HVCN1: variants seen among roughly 807,000 people sequenced by gnomAD.
The protein encoded by HVCN1 is hydrogen voltage gated channel 1.
In HVCN1, 14 loss-of-function variants were observed where a neutral mutation model predicts 29.2. The ratio of observed to expected loss-of-function variants is 0.48; its 90% CI spans 0.32 to 0.75. HVCN1 has a LOEUF of 0.75. Ranked by LOEUF, HVCN1 falls within the 30% of genes least tolerant of loss-of-function variation. HVCN1 has a pLI of 0.04. For missense variants in HVCN1, 263 were observed against 341.8 expected (o/e 0.77, Z 1.82); for synonymous variants, 131 against 133.2 (o/e 0.98, Z 0.11).
Position 110,665,987 on chromosome 12 carries a change from C to A in HVCN1, c.22-4539G>T, listed in dbSNP as rs140350382. On this transcript the variant is annotated intron_variant, in intron 3 of 7. Transcript: ENST00000242607. ...CACCATTGCACTCCAGCCTGGGCAACAAGAGTGAATCTCCATCTCACAAAA... is the reference window on the plus strand; with the variant it reads ...CACCATTGCACTCCAGCCTGGGCAAAAAGAGTGAATCTCCATCTCACAAAA... 7.7e-3 allele frequency among the ~76,000 whole-genome samples: 1,034 copies of A among 134,296 alleles called. 18 individuals are homozygous for A. The highest frequency in any genetic ancestry group is 0.028 in the African/African-American group (991 of 35,898). The allele number at this position is 134,296 out of a possible 152,430, so 88.1% of individuals were successfully genotyped here.
chr12:110,690,953 C>T (rs1220183946), upstream of HVCN1, among the ~76,000 whole-genome samples: 1 of 151,776 alleles, frequency 6.6e-6, no homozygotes, highest in Non-Finnish European at 1.5e-5. Context: ...CAGGGTTTCT[C>T]CATGCTGGTC....
intron 4 of HVCN1, among the ~76,000 whole-genome samples, chr12:110,656,861 G>T (rs1438170782): frequency 6.6e-6 from 1 of 152,144 alleles, no homozygotes; most frequent in African/African-American, 2.4e-5. Flanking sequence ...CTTAATAAAG[G>T]TGCAAGCCTC....
intron 3 of HVCN1, among the ~76,000 whole-genome samples, chr12:110,678,100 A>T (rs2068807329): frequency 6.6e-6 from 1 of 152,226 alleles, no homozygotes; most frequent in South Asian, 2.1e-4. Flanking sequence ...CGGGGACTGC[A>T]ATGTCTCTGT....
chr12:110,697,017 G>T (rs935745753), intron 2 of HVCN1, among the ~76,000 whole-genome samples: 2 of 151,988 alleles, frequency 1.3e-5, no homozygotes, highest in African/African-American at 4.8e-5. Flanking sequence ...AAGACAGGGG[G>T]GAACTGTGGG....
intron 3 of HVCN1, among the ~76,000 whole-genome samples, chr12:110,671,662 C>T (rs1269369609): frequency 6.6e-6 from 1 of 152,168 alleles, no homozygotes; most frequent in Non-Finnish European, 1.5e-5. Context: ...TTCCCTTTAT[C>T]TTTCCGGGCC....
At chr12:110,672,280 T>C (rs879611868) in intron 3 of HVCN1, among the ~76,000 whole-genome samples, 1 of 152,190 alleles carries the variant, frequency 6.6e-6, no homozygotes, top group Non-Finnish European at 1.5e-5. Flanking sequence ...TACCTTGGTT[T>C]CTATCAACAT....
In HVCN1 at chr12:110,655,348, G is replaced by T; in HGVS notation, c.307-10C>A. The T allele has an allele frequency of 6.2e-7, 1 of 1,605,326 alleles. No individual in the cohort carries two copies. The highest frequency in any genetic ancestry group is 8.5e-7 in the Non-Finnish European group (1 of 1,172,296). ...AGCAGATGATGATGACCTGTGGGCC[G>T]AGGGAAGGTGCCAGAGATCATGAGA... On this transcript the variant is annotated splice_polypyrimidine_tract_variant and intron_variant, in intron 4 of 7. Transcript: ENST00000242607.
intron 2 of HVCN1, among the ~76,000 whole-genome samples, chr12:110,695,493 C>A (rs920792733): frequency 2.0e-5 from 3 of 152,016 alleles, no homozygotes; most frequent in Admixed American, 1.3e-4. Flanking sequence ...GAGGTCAAGG[C>A]TGCAGTGAGA....
intron 2 of HVCN1, among the ~76,000 whole-genome samples, chr12:110,697,649 C>A (rs897381959): frequency 1.5e-5 from 2 of 134,228 alleles, no homozygotes; most frequent in African/African-American, 5.6e-5. Context: ...CGCGAAGCAT[C>A]TTTTTTTTTT....
At chr12:110,700,443 C>T (rs967796350) in intron 2 of HVCN1, among the ~76,000 whole-genome samples, 9 of 151,964 alleles carry the variant, frequency 5.9e-5, no homozygotes, top group African/African-American at 1.7e-4. Context: ...GAAAGGACAT[C>T]GAAGCAGCCA....
chr12:110,653,105 C>T (rs1593434779), intron 5 of HVCN1, among the ~76,000 whole-genome samples: 1 of 152,170 alleles, frequency 6.6e-6, no homozygotes, highest in African/African-American at 2.4e-5. Context: ...ACTGGCTGGG[C>T]TCTTCCAAGA....
chr12:110,682,703 T>C (rs977423792), intron 3 of HVCN1: 1 of 157,962 alleles, frequency 6.3e-6, no homozygotes, highest in Non-Finnish European at 1.4e-5. Context: ...GCTCAGGGAA[T>C]TGAAGGGCAC....
chr12:110,666,059 A>T (rs2068337580), intron 3 of HVCN1, among the ~76,000 whole-genome samples: 1 of 152,058 alleles, frequency 6.6e-6, no homozygotes, highest in African/African-American at 2.4e-5. Context: ...TTTAGAACTG[A>T]AAAGTATATA....
At chr12:110,681,407 C>T (rs1163540881) in intron 3 of HVCN1, among the ~76,000 whole-genome samples, 1 of 152,134 alleles carries the variant, frequency 6.6e-6, no homozygotes, top group Non-Finnish European at 1.5e-5. Context: ...AGAACAGTGG[C>T]ATGGGTTGAC....
intron 3 of HVCN1, among the ~76,000 whole-genome samples, chr12:110,664,659 T>C (rs901277121): frequency 6.6e-6 from 1 of 152,208 alleles, no homozygotes; most frequent in African/African-American, 2.4e-5. Context: ...CTGGAGGTAC[T>C]TTCTGGACTG....
chr12:110,693,846 G>A (rs2069450564), upstream of HVCN1, among the ~76,000 whole-genome samples: 1 of 152,184 alleles, frequency 6.6e-6, no homozygotes, highest in Non-Finnish European at 1.5e-5. Context: ...ACTCTTGGAA[G>A]AGGTCCAGAA....
At chr12:110,695,289 C>A (rs1441797539) in intron 2 of HVCN1, among the ~76,000 whole-genome samples, 2 of 151,886 alleles carry the variant, frequency 1.3e-5, no homozygotes, top group African/African-American at 4.8e-5. Flanking sequence ...TATACACACA[C>A]ACACACTTAT....
chr12:110,687,257 A>ACAC (rs1555238929), intron 2 of HVCN1, among the ~76,000 whole-genome samples: 6 of 109,280 alleles, frequency 5.5e-5, no homozygotes, highest in African/African-American at 1.4e-4. Context: ...GACAGACCAC[A>ACAC]CCCCCCCCCC....
intron 3 of HVCN1, among the ~76,000 whole-genome samples, chr12:110,679,381 C>A (rs1310451859): frequency 6.6e-6 from 1 of 152,234 alleles, no homozygotes; most frequent in Non-Finnish European, 1.5e-5. Context: ...GTCACCTGTG[C>A]CAAGGAACAA....
Sources: gnomAD v4.1 joint callset for allele counts (sites outside exome capture counted in the v4.1 genomes callset) on GRCh38, gnomAD v4.1.1 for gene constraint, MANE v1.5 for transcripts, NCBI Gene and HGNC (gene_info 2026-07-23, HGNC 2026-07-21) for gene names.